DPYD: variants seen among roughly 807,000 people sequenced by gnomAD.
DPYD encodes dihydropyrimidine dehydrogenase [NADP(+)].
A neutral mutation model predicts 116.2 loss-of-function variants in DPYD; 109 were observed. The ratio of observed to expected loss-of-function variants is 0.94; its 90% CI spans 0.80 to 1.10. The LOEUF (loss-of-function observed/expected upper bound fraction) is 1.10, where lower values mean the gene tolerates loss of function less well. Among genes scored for constraint, DPYD ranks in the 50% least tolerant of loss-of-function variants. The pLI is 0.00. For synonymous variants in DPYD, 440 were observed against 432.0 expected, an observed-to-expected ratio of 1.02 and a Z score of -0.23; for missense variants, 1,302 against 1,254.5, an observed-to-expected ratio of 1.04 and a Z score of -0.57.
At chr1:97,786,145 T>C (rs1174375381) in intron 3 of DPYD, among the ~76,000 whole-genome samples, 1 of 151,360 alleles carries the variant, frequency 6.6e-6, no homozygotes, top group Non-Finnish European at 1.5e-5. Flanking sequence ...AATCAGAAGA[T>C]GAATGGCAAT....
intron 19 of DPYD, among the ~76,000 whole-genome samples, chr1:97,200,565 T>C (rs1346585176): frequency 6.6e-6 from 1 of 152,182 alleles, no homozygotes; most frequent in Non-Finnish European, 1.5e-5. Flanking sequence ...TTATATTATC[T>C]CTTCTTACTA....
intron 12 of DPYD, among the ~76,000 whole-genome samples, chr1:97,549,001 TTTGAACACATCAGGACTAATGAC>T (rs1047420732): frequency 2.0e-5 from 3 of 152,084 alleles, no homozygotes; most frequent in Admixed American, 6.6e-5. Flanking sequence ...TAATAAATAT[TTTGAACACATCAGGACTAATGAC>T]TTCACAGTAC....
At chr1:97,190,723 C>A (rs1334970082) in intron 20 of DPYD, among the ~76,000 whole-genome samples, 3 of 152,194 alleles carry the variant, frequency 2.0e-5, no homozygotes, top group Non-Finnish European at 2.9e-5. Flanking sequence ...ATGCTAATTA[C>A]TTGAAAGATA....
intron 4 of DPYD, among the ~76,000 whole-genome samples, chr1:97,737,166 A>G (rs1664006863): frequency 6.6e-6 from 1 of 151,986 alleles, no homozygotes; most frequent in African/African-American, 2.4e-5. Flanking sequence ...GTCAAAGGAG[A>G]TAGAGGTTTT....
chr1:97,560,541 T>G (rs1652067713), intron 11 of DPYD, among the ~76,000 whole-genome samples: 2 of 150,402 alleles, frequency 1.3e-5, no homozygotes, highest in South Asian at 2.1e-4. Flanking sequence ...TTACCTTGCC[T>G]TCATTCATTC....
rs77383306 is a variant in DPYD, at chr1:97,177,851, T to C, written c.2622+15218A>G. ...AACAACATACATTTATTTCTCACCA[T>C]TCTGGACGCTGGGAAGTTCAAGATT... On this transcript the variant is annotated intron_variant, in intron 20 of 22. Coordinates refer to ENST00000370192, the MANE Select transcript of DPYD (RefSeq NM_000110.4). Among the ~76,000 whole-genome samples, 344 of 152,232 alleles carry C rather than the reference T, an allele frequency of 2.3e-3. 2 individuals carry two copies. The highest frequency in any genetic ancestry group is 4.1e-3 in the South Asian group (20 of 4,824).
intron 12 of DPYD, among the ~76,000 whole-genome samples, chr1:97,540,217 C>T (rs1026245068): frequency 6.6e-6 from 1 of 151,504 alleles, no homozygotes; most frequent in Non-Finnish European, 1.5e-5. Context: ...ATAACAAGCC[C>T]CAGGTTATTT....
chr1:97,774,232 T>C (rs1666285267), intron 3 of DPYD, among the ~76,000 whole-genome samples: 1 of 152,136 alleles, frequency 6.6e-6, no homozygotes, highest in African/African-American at 2.4e-5. Flanking sequence ...AAGGAGAGTA[T>C]GAATGCAAAA....
At chr1:97,751,372 ATATATATACATATATGTGTG>A (rs1408400622) in intron 3 of DPYD, among the ~76,000 whole-genome samples, 1 of 144,232 alleles carries the variant, frequency 6.9e-6, no homozygotes, top group African/African-American at 2.6e-5. Flanking sequence ...AAACACACAC[ATATATATACATATATGTGTG>A]TATATATACA....
intron 2 of DPYD, among the ~76,000 whole-genome samples, chr1:97,853,274 T>C (rs1318584072): frequency 6.6e-6 from 1 of 152,224 alleles, no homozygotes; most frequent in African/African-American, 2.4e-5. Context: ...AATTATTGAT[T>C]TATATTTAAA....
At chr1:97,355,348 A>C (rs1225719086) in intron 16 of DPYD, among the ~76,000 whole-genome samples, 2 of 152,178 alleles carry the variant, frequency 1.3e-5, no homozygotes, top group Admixed American at 6.5e-5. Context: ...GTTAAAATTA[A>C]ATCAAGTTAA....
At chr1:97,715,158 G>T (rs530815428) in intron 5 of DPYD, among the ~76,000 whole-genome samples, 23 of 151,976 alleles carry the variant, frequency 1.5e-4, no homozygotes, top group Non-Finnish European at 2.8e-4. Flanking sequence ...TGTCCAAAAT[G>T]GGAAAAAAAT....
At chr1:97,516,432 G>A (rs1346104032) in intron 12 of DPYD, among the ~76,000 whole-genome samples, 1 of 152,000 alleles carries the variant, frequency 6.6e-6, no homozygotes, top group Non-Finnish European at 1.5e-5. Flanking sequence ...ATAGCAGCAG[G>A]AATGCTGCTT....
rs777611888 is a variant in DPYD at position 97,720,867 on chromosome 1, G to T, written c.483+643C>A. On this transcript the variant is annotated intron_variant, in intron 5 of 22. Transcript: ENST00000370192. Reference sequence around the variant, plus strand: ...ATAGGAGACGTCAGAGAGCCCAAGAGTGTCTGAAGAATCAAAGTCTTTACA... The same window carrying T: ...ATAGGAGACGTCAGAGAGCCCAAGATTGTCTGAAGAATCAAAGTCTTTACA... 6.2e-6 allele frequency: 10 copies of T among 1,608,826 alleles called. No individual in the cohort carries two copies. In the South Asian group the frequency reaches 1.1e-4, roughly 18 times the overall value.
chr1:97,622,458 T>C (rs916421108), intron 8 of DPYD, among the ~76,000 whole-genome samples: 7 of 151,826 alleles, frequency 4.6e-5, no homozygotes, highest in African/African-American at 1.2e-4. Flanking sequence ...GAAAAAACCA[T>C]TGCAACCAAA....
chr1:97,136,223 C>A (rs934630697), intron 20 of DPYD, among the ~76,000 whole-genome samples: 1 of 152,182 alleles, frequency 6.6e-6, no homozygotes, highest in African/African-American at 2.4e-5. Flanking sequence ...AGTCTCCATT[C>A]ATAAAACTCT....
At chr1:97,915,158 A>C (rs981569149) in intron 1 of DPYD, among the ~76,000 whole-genome samples, 8 of 152,172 alleles carry the variant, frequency 5.3e-5, no homozygotes, top group African/African-American at 1.4e-4. Flanking sequence ...CAATTCACAG[A>C]AGAAGAAATG....
rs935479211 is a variant in DPYD, at chr1:97,325,968, G to A, written c.2059-19671C>T. Among the ~76,000 whole-genome samples, 7 of 151,592 alleles carry A rather than the reference G, an allele frequency of 4.6e-5. No individual in the cohort carries two copies. The Admixed American group carries it at 4.6e-4, about 10-fold the overall frequency. ...TTTAGGCAATAAGAAAACATGGAAG[G>A]CCATATGTTTAATCCATGTTTTAGA... On this transcript the variant is annotated intron_variant, in intron 16 of 22. Coordinates refer to ENST00000370192, the MANE Select transcript of DPYD (RefSeq NM_000110.4).
intron 12 of DPYD, among the ~76,000 whole-genome samples, chr1:97,539,930 A>G (rs906500187): frequency 2.6e-5 from 4 of 152,132 alleles, no homozygotes; most frequent in Admixed American, 1.3e-4. Flanking sequence ...CTATATGCTA[A>G]TACTAGAACA....
Sources: allele counts gnomAD v4.1 joint callset (sites outside exome capture counted in the v4.1 genomes callset), GRCh38; gene constraint gnomAD v4.1.1; transcripts MANE v1.5; gene names NCBI Gene and HGNC (gene_info 2026-07-23, HGNC 2026-07-21).